The following FRAS1 variants were observed in gnomAD, a reference collection of about 807,000 sequenced individuals.
FRAS1 encodes Fraser extracellular matrix complex subunit 1, also known as extracellular matrix organizing protein FRAS1.
FRAS1 carries 290 observed loss-of-function variants against 435.2 expected under a neutral mutation model. That is an observed-to-expected ratio of 0.67 (90% CI 0.61 to 0.73). FRAS1 has a LOEUF of 0.73. FRAS1 is among the 30% of genes least tolerant of loss of function. The pLI, the probability that FRAS1 is intolerant of heterozygous loss-of-function variation, is 0.00. For synonymous variants in FRAS1, 1,800 were observed against 1,851.0 expected (o/e 0.97, Z 0.71); for missense variants, 4,860 against 5,001.5 (o/e 0.97, Z 0.85).
chr4:78,415,854 G>A (rs56098972), intron 32 of FRAS1, among the ~76,000 whole-genome samples: 2,381 of 152,208 alleles, frequency 0.016, 64 homozygotes, highest in African/African-American at 0.054. Context: ...CTACAGGGTA[G>A]AAAACATCCT....
chr4:78,357,124 C>T (rs563741309), intron 20 of FRAS1, among the ~76,000 whole-genome samples: 1 of 152,300 alleles, frequency 6.6e-6, no homozygotes, highest in African/African-American at 2.4e-5. Flanking sequence ...TCCAAACATT[C>T]TCCCCCTGCC....
chr4:78,456,126 G>A (rs1190717807), intron 47 of FRAS1, among the ~76,000 whole-genome samples: 1 of 142,846 alleles, frequency 7.0e-6, no homozygotes, highest in Admixed American at 7.2e-5. Context: ...ATTACTTGAA[G>A]AACACATGTC....
intron 9 of FRAS1, among the ~76,000 whole-genome samples, chr4:78,276,572 G>A (rs1286528889): frequency 6.6e-6 from 1 of 152,182 alleles, no homozygotes; most frequent in Admixed American, 6.6e-5. Flanking sequence ...GAGTTTGCTG[G>A]ACATCCACTC....
chr4:78,188,165 G>A lies in FRAS1; in HGVS notation c.109-49345G>A, dbSNP rs568948515. 2.2e-4 allele frequency among the ~76,000 whole-genome samples: 34 copies of A among 152,218 alleles called. 1 individual carries two copies. The South Asian group carries it at 6.8e-3, about 31-fold the overall frequency. On this transcript the variant is annotated intron_variant, in intron 2 of 73. Coordinates refer to ENST00000512123, the MANE Select transcript of FRAS1 (RefSeq NM_025074.7). ...CTATGGAAACAAATACTCTATAGCT[G>A]TAGTGGTATGCATTTACATAAACTT...
chr4:78,379,092 AG>A (rs1200643834), intron 26 of FRAS1: 1 of 152,634 alleles, frequency 6.6e-6, no homozygotes, highest in Non-Finnish European at 1.5e-5. Flanking sequence ...TCATCTGTGC[AG>A]CTCTGAATTT....
chr4:78,234,003 C>T (rs1031368811), intron 2 of FRAS1, among the ~76,000 whole-genome samples: 3 of 152,186 alleles, frequency 2.0e-5, no homozygotes, highest in African/African-American at 7.2e-5. Context: ...AAGCCACCCT[C>T]CCTCTATTCC....
chr4:78,331,761 T>C (rs1027817296), intron 18 of FRAS1, among the ~76,000 whole-genome samples: 5 of 152,216 alleles, frequency 3.3e-5, no homozygotes, highest in African/African-American at 1.2e-4. Context: ...TCTTACTCAT[T>C]ATTGTATCCC....
intron 67 of FRAS1, among the ~76,000 whole-genome samples, chr4:78,520,993 A>T (rs568149087): frequency 4.1e-4 from 62 of 152,114 alleles, no homozygotes; most frequent in African/African-American, 1.4e-3. Context: ...TTCTTTCTGA[A>T]CTCACTGGGG....
Position 78,540,555 on chromosome 4 carries a change from C to A in FRAS1, c.11470C>A (p.Leu3824Ile). The A allele has an allele frequency of 6.6e-7, 1 of 1,510,382 alleles. No individual in the cohort carries two copies. The highest frequency in any genetic ancestry group is 2.3e-5 in the East Asian group (1 of 43,938). 93.6% of individuals were successfully genotyped at this position (1,510,382 alleles called of 1,614,324 possible). A position where few individuals can be genotyped will look rare whatever the true frequency, so the allele number is the denominator to read the frequency against. The change falls in exon 74 of 74, where the codon CTC becomes ATC. Residue 3824 changes from leucine to isoleucine, a missense_variant. Leu to Ile is a conservative substitution (Grantham distance 5). Transcript: ENST00000512123. Reference sequence around the variant, plus strand: ...GGTGGAAGCAGGACACCAGTGGTATCTCCAGGTCATCTACATCATTGGCCC... The same window carrying A: ...GGTGGAAGCAGGACACCAGTGGTATATCCAGGTCATCTACATCATTGGCCC... ...YKVEAGHQWYLQVIYIIGPDT... is the reference protein window; with the variant it reads ...YKVEAGHQWYIQVIYIIGPDT...
At chr4:78,178,780 C>T (rs1031172522) in intron 2 of FRAS1, among the ~76,000 whole-genome samples, 1 of 152,084 alleles carries the variant, frequency 6.6e-6, no homozygotes, top group Admixed American at 6.5e-5. Context: ...AATGAGGGCA[C>T]ATTTTGAGGT....
chr4:78,086,263 CA>C (rs1165310122), intron 2 of FRAS1, among the ~76,000 whole-genome samples: 1 of 152,126 alleles, frequency 6.6e-6, no homozygotes, highest in East Asian at 1.9e-4. Context: ...ATCTCTTGGA[CA>C]CATTAAAAGC....
chr4:78,477,999 A>T lies in FRAS1; in HGVS notation c.8036A>T (p.Asp2679Val). The change falls in exon 55 of 74, where the codon GAC (aspartate) becomes GTC (valine). Residue 2679 changes from aspartate (D) to valine (V), a missense_variant. By Grantham distance (152) the Asp-to-Val change is radical. Transcript: ENST00000512123. ...DTEDEPTLEF[D>V]KKIYWVNESA... is the part of the protein sequence containing the mutation. ...GAGGATGAACCCACATTAGAGTTTG[A>T]CAAGAAGATCTACTGGGTTAACGAG... The T allele has an allele frequency of 6.2e-7, 1 of 1,609,438 alleles. No individual in the cohort carries two copies. Among genetic ancestry groups the T allele is most frequent in the Non-Finnish European group, 8.5e-7 (1 of 1,177,908 alleles).
chr4:78,267,615 C>G (rs1726432428), intron 9 of FRAS1, among the ~76,000 whole-genome samples, 183 bp downstream of exon 9: 1 of 152,232 alleles, frequency 6.6e-6, no homozygotes, highest in Admixed American at 6.5e-5. Context: ...TTTGTTCAGA[C>G]TAGCTCAGAA....
In FRAS1 at chr4:78,286,448, C is replaced by T; in HGVS notation, c.1443C>T (p.Cys481=). 2 of 1,613,578 alleles carry T rather than the reference C, an allele frequency of 1.2e-6. No individual in the cohort carries two copies. The highest frequency in any genetic ancestry group is 1.7e-5 in the Admixed American group (1 of 60,016). ...QCSTCTSGLE[C]SSCQPPLLMR... ...CCACGTGTACCAGTGGGCTGGAGTG[C>T]TCATCCTGCCAGCCTCCCCTGCTGA... is the stretch of plus-strand genomic sequence containing the variant. The change falls in exon 14 of 74, where the codon TGC becomes TGT. Residue 481 remains cysteine, a synonymous_variant. Coordinates refer to ENST00000512123, the MANE Select transcript of FRAS1 (RefSeq NM_025074.7).
chr4:78,496,818 C>T lies in FRAS1; in HGVS notation c.8972C>T (p.Thr2991Met), dbSNP rs376261766. The change falls in exon 60 of 74, where the codon ACG (threonine) becomes ATG (methionine). Residue 2991 changes from threonine to methionine, a missense_variant. By Grantham distance (81) the Thr-to-Met change is moderately conservative. Coordinates refer to ENST00000512123, the MANE Select transcript of FRAS1 (RefSeq NM_025074.7). ...FLKGDKVKNCTVYIHDDSMFE... is the reference protein window; with the variant it reads ...FLKGDKVKNCMVYIHDDSMFE... ...CATTGGCTCTAGGTGAAGAACTGTA[C>T]GGTCTATATCCACGATGACTCCATG... 172 of 1,613,122 alleles carry T rather than the reference C, an allele frequency of 1.1e-4. No homozygotes were observed. Among genetic ancestry groups the T allele is most frequent in the Non-Finnish European group, 1.3e-4 (154 of 1,179,566 alleles).
chr4:78,314,074 T>C (rs1729138146), intron 15 of FRAS1, among the ~76,000 whole-genome samples: 1 of 152,034 alleles, frequency 6.6e-6, no homozygotes, highest in Non-Finnish European at 1.5e-5. Flanking sequence ...CATTTCTTCT[T>C]GGTCACCTGT....
At chr4:78,221,458 CTTTA>C in intron 2 of FRAS1, among the ~76,000 whole-genome samples, 1 of 152,260 alleles carries the variant, frequency 6.6e-6, no homozygotes, top group South Asian at 2.1e-4. Flanking sequence ...TATGTTCTGT[CTTTA>C]TTTATGCAGA....
intron 2 of FRAS1, among the ~76,000 whole-genome samples, chr4:78,218,090 A>ACTCT (rs376208393): frequency 0.018 from 260 of 14,548 alleles, 27 homozygotes; most frequent in Middle Eastern, 0.059. Context: ...TCTCTCTCTC[A>ACTCT]CTCTCTCTCA....
intron 60 of FRAS1, 133 bp from the exon 61 acceptor site, chr4:78,499,588 G>A (rs1032188308): frequency 5.6e-6 from 4 of 708,466 alleles, no homozygotes; most frequent in African/African-American, 5.4e-5. Flanking sequence ...TTTTATGACT[G>A]CAAGCCATTT....
Sources: gnomAD v4.1 joint callset for allele counts (sites outside exome capture counted in the v4.1 genomes callset) on GRCh38, gnomAD v4.1.1 for gene constraint, MANE v1.5 for transcripts, NCBI Gene and HGNC (gene_info 2026-07-23, HGNC 2026-07-21) for gene names.